The following TPTE2 variants were observed in gnomAD, a reference collection of about 807,000 sequenced individuals.
TPTE2 encodes the protein transmembrane phosphoinositide 3-phosphatase and tensin homolog 2, also known as phosphatidylinositol 3,4,5-trisphosphate 3-phosphatase TPTE2.
A neutral mutation model predicts 78.6 loss-of-function variants in TPTE2; 53 were observed. The ratio of observed to expected loss-of-function variants is 0.67; its 90% CI spans 0.54 to 0.85. TPTE2 has a LOEUF of 0.85. Ranked by LOEUF, TPTE2 falls within the 40% of genes least tolerant of loss-of-function variation. TPTE2 has a pLI of 0.00. For missense variants in TPTE2, 461 were observed against 623.0 expected (o/e 0.74, Z 2.77); for synonymous variants, 175 against 206.2 (o/e 0.85, Z 1.30).
At chr13:19,425,783 C>T (rs759335620) in intron 18 of TPTE2, 1 of 508,956 alleles carries the variant, frequency 2.0e-6, no homozygotes, top group Non-Finnish European at 3.9e-6. Flanking sequence ...GAGCACAGGT[C>T]TCCTGGATGG....
At chr13:19,438,064 G>GAGA in intron 14 of TPTE2, 28 bp downstream of exon 17, 1 of 1,596,790 alleles carries the variant, frequency 6.3e-7, no homozygotes, top group Non-Finnish European at 8.5e-7. Context: ...ATCATCATAA[G>GAGA]AGAAAGTTTG....
At chr13:19,439,773 T>C (rs1877366222) in intron 13 of TPTE2, among the ~76,000 whole-genome samples, 1 of 152,148 alleles carries the variant, frequency 6.6e-6, no homozygotes, top group Admixed American at 6.5e-5. Context: ...TCAGAACTTC[T>C]GGAACTAAAA....
the TPTE2 span, among the ~76,000 whole-genome samples, chr13:19,552,049 T>A: frequency 6.6e-6 from 1 of 152,238 alleles, no homozygotes; most frequent in South Asian, 2.1e-4. Context: ...TAGATGATAT[T>A]CTGTTGCCAG....
the TPTE2 span, among the ~76,000 whole-genome samples, chr13:19,544,753 T>C: frequency 3.9e-5 from 6 of 152,190 alleles, no homozygotes; most frequent in South Asian, 6.2e-4. Flanking sequence ...AAAAAATTAA[T>C]TGGGCATGGT....
At chr13:19,510,216 C>T (rs1869338806) in intron 1 of TPTE2, among the ~76,000 whole-genome samples, 1 of 152,164 alleles carries the variant, frequency 6.6e-6, no homozygotes, top group African/African-American at 2.4e-5. Flanking sequence ...AATGGGATTC[C>T]ATGCATCTGA....
chr13:19,465,017 G>T (rs1408080261), intron 9 of TPTE2, among the ~76,000 whole-genome samples: 2 of 152,190 alleles, frequency 1.3e-5, no homozygotes, highest in Non-Finnish European at 2.9e-5. Flanking sequence ...AAACTCAAAT[G>T]GAGTCAGCTG....
chr13:19,546,986 A>AG, the TPTE2 span, among the ~76,000 whole-genome samples: 1 of 152,188 alleles, frequency 6.6e-6, no homozygotes, highest in South Asian at 2.1e-4. Flanking sequence ...AAAATTACCT[A>AG]ATAATGCCTA....
chr13:19,535,378 A>ACAATG lies in TPTE2; in HGVS notation c.-44+1213_-44+1217dup, dbSNP rs1057086644. 2.6e-5 allele frequency among the ~76,000 whole-genome samples: 4 copies of ACAATG among 151,994 alleles called. No homozygotes were observed. Among genetic ancestry groups the ACAATG allele is most frequent in the Admixed American group, 6.5e-5 (1 of 15,270 alleles). ...CTTCCAAAGCTATCTACAAAAAGGG[A>ACAATG]CAATGTCATCACTGGCTAGTGAAAA... On this transcript the variant is annotated intron_variant, in intron 1 of 17. Coordinates refer to the TPTE2 transcript ENST00000390680. The surrounding 1 kb of genome is among the most constrained non-coding windows in gnomAD (Gnocchi z 5.1).
At chr13:19,428,743 G>A (rs1876335020) in intron 17 of TPTE2, among the ~76,000 whole-genome samples, 2 of 151,406 alleles carry the variant, frequency 1.3e-5, no homozygotes, top group South Asian at 2.1e-4. Context: ...AAAAAAAAAA[G>A]GAAAGGAAGA....
chr13:19,539,370 GAGTA>G (rs533448359), upstream of TPTE2, among the ~76,000 whole-genome samples: 186 of 152,300 alleles, frequency 1.2e-3, 1 homozygote, highest in South Asian at 6.0e-3. Context: ...TTGTGATAGT[GAGTA>G]AGTCTTATGA....
chr13:19,506,364 G>C (rs2932158), upstream of TPTE2, among the ~76,000 whole-genome samples: 2 of 148,702 alleles, frequency 1.3e-5, no homozygotes, highest in Admixed American at 1.3e-4. Context: ...TAGTAGAGAC[G>C]GGGTTTCACC....
chr13:19,548,036 A>C, the TPTE2 span, among the ~76,000 whole-genome samples: 1 of 152,108 alleles, frequency 6.6e-6, no homozygotes, highest in Non-Finnish European at 1.5e-5. Context: ...CATTAAACAT[A>C]AGAAGGAAAT....
In TPTE2 at chr13:19,479,764, C is replaced by T. The variant is rs569331450; in HGVS notation, c.179+2724G>A. The stretch of plus-strand genomic sequence containing the variant: ...GGATCATGAGGTCAAGAGATTGAGA[C>T]CATCCTGGCCAACATGGTGAAACTC... On this transcript the variant is annotated intron_variant, in intron 4 of 19. Transcript: ENST00000400230. 2.1e-3 allele frequency among the ~76,000 whole-genome samples: 321 copies of T among 152,134 alleles called. 3 individuals carry two copies. Among genetic ancestry groups the T allele is most frequent in the Non-Finnish European group, 3.7e-3 (254 of 67,990 alleles).
chr13:19,488,058 C>T (rs2497255), intron 3 of TPTE2, among the ~76,000 whole-genome samples: 1 of 152,188 alleles, frequency 6.6e-6, no homozygotes, highest in African/African-American at 2.4e-5. Flanking sequence ...GCTGCACAGG[C>T]TGAGTGCTTC....
chr13:19,502,912 G>C (rs1322525482), intron 1 of TPTE2, among the ~76,000 whole-genome samples: 2 of 151,240 alleles, frequency 1.3e-5, no homozygotes, highest in Non-Finnish European at 2.9e-5. Flanking sequence ...GGAAGCAGCA[G>C]CCCTCCTGTG....
At position 19,438,155 on chromosome 13, in the gene TPTE2, T is replaced by C. The variant is rs749029032; in HGVS notation, c.974-2A>G. On this transcript the variant is annotated splice_acceptor_variant, in intron 13 of 19. Transcript: ENST00000400230. LOFTEE classifies it high-confidence loss of function. ...CACAAACCATAGTCCCGGTTCTTCC[T>C]AGAAAAGAAAAGAAGTTAGTTCAAG... 6 of 1,607,944 alleles carry C rather than the reference T, an allele frequency of 3.7e-6. No individual in the cohort carries two copies. In the South Asian group the frequency reaches 4.4e-5, roughly 12 times the overall value.
chr13:19,509,339 G>C (rs1593409205), intron 1 of TPTE2, among the ~76,000 whole-genome samples: 1 of 152,116 alleles, frequency 6.6e-6, no homozygotes, highest in Admixed American at 6.6e-5. Context: ...CAAAACAAAA[G>C]TGTGTCTCTT....
At chr13:19,510,028 T>C (rs530502303) in intron 1 of TPTE2, among the ~76,000 whole-genome samples, 1 of 152,192 alleles carries the variant, frequency 6.6e-6, no homozygotes, top group East Asian at 1.9e-4. Flanking sequence ...AGACTGAAAG[T>C]GGGAAAATTT....
At chr13:19,515,947 C>T (rs575217407) in intron 1 of TPTE2, among the ~76,000 whole-genome samples, 4 of 152,232 alleles carry the variant, frequency 2.6e-5, no homozygotes, top group Non-Finnish European at 5.9e-5. Context: ...TAGATGTGAA[C>T]TCCTTTCAGG....
Sources: allele counts gnomAD v4.1 joint callset (sites outside exome capture counted in the v4.1 genomes callset), GRCh38; gene constraint gnomAD v4.1.1; non-coding constraint Gnocchi (gnomAD v3.1); transcripts MANE v1.5; gene names NCBI Gene and HGNC (gene_info 2026-07-23, HGNC 2026-07-21).